Variants in PAWR observed in about 807,000 individuals in gnomAD.
PAWR encodes the protein PRKC apoptosis WT1 regulator protein.
In PAWR, 23 loss-of-function variants were observed where a neutral mutation model predicts 32.0. The ratio of observed to expected loss-of-function variants is 0.72; its 90% CI spans 0.52 to 1.02. PAWR has a LOEUF of 1.02. Ranked by LOEUF, PAWR falls within the 50% of genes least tolerant of loss-of-function variation. The pLI is 0.00. For missense variants in PAWR, 457 were observed against 437.7 expected (o/e 1.04, Z -0.39); for synonymous variants, 226 against 187.1 (o/e 1.21, Z -1.70).
At chr12:79,655,902 C>A (rs1877071199) in intron 2 of PAWR, among the ~76,000 whole-genome samples, 2 of 152,086 alleles carry the variant, frequency 1.3e-5, no homozygotes, top group Non-Finnish European at 2.9e-5. Flanking sequence ...GTGAAAGAGA[C>A]AAATAAGCAA....
In PAWR at chr12:79,588,229, C is replaced by T. The variant is rs1592484177; in HGVS notation, c.*4378G>A. On this transcript the variant is annotated 3_prime_UTR_variant, in exon 7 of 7. Coordinates refer to ENST00000328827, the MANE Select transcript of PAWR (RefSeq NM_002583.4). ...ATTCTATTATTACCAGAGTAACTGTCGATATGTGAACTGTAGATTAGAACA... is the reference window on the plus strand; with the variant it reads ...ATTCTATTATTACCAGAGTAACTGTTGATATGTGAACTGTAGATTAGAACA... The T allele has an allele frequency of 2.0e-5, 3 of 151,818 alleles. No individual in the cohort carries two copies. Among genetic ancestry groups the T allele is most frequent in the East Asian group, 1.9e-4 (1 of 5,194 alleles). The allele number at this position is 151,818 out of a possible 1,614,324, so 9.4% of individuals were successfully genotyped here.
chr12:79,599,883 AAAATACTAGTGATCACATGTG>A, intron 4 of PAWR, among the ~76,000 whole-genome samples: 1 of 152,176 alleles, frequency 6.6e-6, no homozygotes, highest in Non-Finnish European at 1.5e-5. Flanking sequence ...AGAAACCCCA[AAAATACTAGTGATCACATGTG>A]AAATCCTGAA....
At chr12:79,600,648 C>CTTTTTTT (rs1025749975) in intron 4 of PAWR, among the ~76,000 whole-genome samples, 7 of 102,358 alleles carry the variant, frequency 6.8e-5, no homozygotes, top group African/African-American at 3.1e-4. Flanking sequence ...CCATACCTGG[C>CTTTTTTT]TTTTTTTTTT....
At chr12:79,624,911 T>C (rs765680716) in intron 2 of PAWR, among the ~76,000 whole-genome samples, 19 of 152,232 alleles carry the variant, frequency 1.2e-4, no homozygotes, top group Non-Finnish European at 2.4e-4. Flanking sequence ...TCTGTATATA[T>C]GCAATGGATT....
Position 79,594,356 on chromosome 12 carries a change from G to C in PAWR, c.909C>G (p.Leu303=). Residue 303 remains leucine, a synonymous_variant, in exon 6 of 7, where the codon CTC becomes CTG. Transcript: ENST00000328827. ...MQDKEEMIGK[L]KEEIDLLNRD... is the part of the protein sequence containing the mutation. Reference sequence around the variant, plus strand: ...TATTTAATAAATCAATTTCTTCTTTGAGTTTTCCAATCATTTCCTCTTTAT... The same window carrying C: ...TATTTAATAAATCAATTTCTTCTTTCAGTTTTCCAATCATTTCCTCTTTAT... 1.3e-6 allele frequency: 2 copies of C among 1,542,462 alleles called. No individual in the cohort carries two copies. Among genetic ancestry groups the C allele is most frequent in the Non-Finnish European group, 1.8e-6 (2 of 1,124,676 alleles).
rs1353554337 is a variant in PAWR at position 79,690,135 on chromosome 12, G to C, written c.110C>G (p.Pro37Arg). Residue 37 changes from proline (P) to arginine (R), a missense_variant, in exon 2 of 7, where the codon CCG becomes CGG. Transcript: ENST00000328827. ...GCCCCCTCCCGGGGGGGCCGGGCCC[G>C]GGGGGTTCTGCTTGGCGCGCATCTT... ...REKMRAKQNPPGPAPPGGGSS... is the reference protein window; with the variant it reads ...REKMRAKQNPRGPAPPGGGSS... 13 of 1,514,562 alleles carry C rather than the reference G, an allele frequency of 8.6e-6. No individual in the cohort carries two copies. The African/African-American group carries it at 1.1e-4, about 13-fold the overall frequency. 93.8% of individuals were successfully genotyped at this position (1,514,562 alleles called of 1,614,324 possible). A position where few individuals can be genotyped will look rare whatever the true frequency, so the allele number is the denominator to read the frequency against.
At chr12:79,604,261 C>A in intron 4 of PAWR, 1 of 985,916 alleles carries the variant, frequency 1.0e-6, no homozygotes. Context: ...CTCTTAGCTA[C>A]AAAGACATGA....
At chr12:79,632,793 T>C (rs981821196) in intron 2 of PAWR, among the ~76,000 whole-genome samples, 1 of 152,084 alleles carries the variant, frequency 6.6e-6, no homozygotes, top group African/African-American at 2.4e-5. Flanking sequence ...AAGGAAAAAG[T>C]TAACTTCAGT....
chr12:79,649,683 T>A (rs775842342), intron 2 of PAWR, among the ~76,000 whole-genome samples: 2 of 151,996 alleles, frequency 1.3e-5, no homozygotes, highest in Admixed American at 6.6e-5. Flanking sequence ...CCCAACTGCT[T>A]GGGAGGCTGA....
intron 3 of PAWR, among the ~76,000 whole-genome samples, chr12:79,618,122 C>T (rs1410212711): frequency 6.6e-6 from 1 of 151,790 alleles, no homozygotes; most frequent in Non-Finnish European, 1.5e-5. Context: ...ATACTCATCA[C>T]TTCTTTTTTT....
At chr12:79,683,152 T>C (rs1878523701) in intron 2 of PAWR, among the ~76,000 whole-genome samples, 1 of 152,184 alleles carries the variant, frequency 6.6e-6, no homozygotes, top group South Asian at 2.1e-4. Flanking sequence ...TTAAAGTACT[T>C]TGAATTTCCA....
chr12:79,611,977 A>G (rs1289049112), intron 4 of PAWR, among the ~76,000 whole-genome samples: 2 of 152,140 alleles, frequency 1.3e-5, no homozygotes, highest in African/African-American at 2.4e-5. Context: ...CTATTACTTG[A>G]TAAGAACTAA....
chr12:79,605,461 C>A (rs1335482887), intron 4 of PAWR, among the ~76,000 whole-genome samples: 2 of 151,854 alleles, frequency 1.3e-5, no homozygotes, highest in Admixed American at 1.3e-4. Flanking sequence ...GGCATAGTAC[C>A]CTGCACCTTT....
At chr12:79,643,100 C>T (rs1876407889) in intron 2 of PAWR, among the ~76,000 whole-genome samples, 1 of 152,002 alleles carries the variant, frequency 6.6e-6, no homozygotes, top group South Asian at 2.1e-4. Flanking sequence ...ATTTTTGCAC[C>T]CTATTTTCTA....
intron 2 of PAWR, among the ~76,000 whole-genome samples, chr12:79,683,271 T>G (rs991135362): frequency 6.6e-6 from 1 of 152,232 alleles, no homozygotes; most frequent in Non-Finnish European, 1.5e-5. Flanking sequence ...CTACAATTTC[T>G]GATTTGGGCA....
At chr12:79,667,121 A>G (rs1304242964) in intron 2 of PAWR, among the ~76,000 whole-genome samples, 1 of 152,198 alleles carries the variant, frequency 6.6e-6, no homozygotes. Context: ...CCTTGGGCAC[A>G]TGTTGTCAGG....
At chr12:79,594,278 C>G (rs1232682636) in intron 6 of PAWR, 51 bp downstream of exon 6, 1 of 671,074 alleles carries the variant, frequency 1.5e-6, no homozygotes. Flanking sequence ...ATATTTTCAT[C>G]CAATTGCCAA....
rs952859529 is a variant in PAWR, at chr12:79,592,263, CTATGTA to C, written c.*338_*343del. 38 of 221,338 alleles carry C rather than the reference CTATGTA, an allele frequency of 1.7e-4. No individual in the cohort carries two copies. The highest frequency in any genetic ancestry group is 8.8e-4 in the African/African-American group (37 of 42,208). 13.7% of individuals were successfully genotyped at this position (221,338 alleles called of 1,614,324 possible). ...GTATTTGAACTCATGTAAACAAAGACTATGTATATTCCTAAGGGAGAAAATGTACTA... is the reference window on the plus strand; with the variant it reads ...GTATTTGAACTCATGTAAACAAAGACTATTCCTAAGGGAGAAAATGTACTA... On this transcript the variant is annotated 3_prime_UTR_variant, in exon 7 of 7. Transcript: ENST00000328827.
At chr12:79,648,681 A>G (rs1876695501) in intron 2 of PAWR, among the ~76,000 whole-genome samples, 2 of 150,850 alleles carry the variant, frequency 1.3e-5, no homozygotes, top group Non-Finnish European at 2.9e-5. Context: ...CCCAGCTACC[A>G]GGGAGGCAGA....
Sources: gnomAD v4.1 joint callset for allele counts (sites outside exome capture counted in the v4.1 genomes callset) on GRCh38, gnomAD v4.1.1 for gene constraint, MANE v1.5 for transcripts, NCBI Gene and HGNC (gene_info 2026-07-23, HGNC 2026-07-21) for gene names.